The following ZNF589 variants were observed in gnomAD, a reference collection of about 807,000 sequenced individuals.
The protein encoded by ZNF589 is KRAB-zinc finger protein SZF1-1.
In ZNF589, 17 loss-of-function variants were observed where a neutral mutation model predicts 13.6. The observed-to-expected ratio is 1.25, with a 90% CI of 0.86 to 1.88. ZNF589 has a LOEUF of 1.88. Among genes scored for constraint, ZNF589 ranks in the 40% most tolerant of loss-of-function variants. The probability of loss-of-function intolerance (pLI) is 0.00; values close to 1 mark genes in which losing one functional copy is unlikely to be tolerated. For synonymous variants in ZNF589, 148 were observed against 161.6 expected, an observed-to-expected ratio of 0.92 and a Z score of 0.64; for missense variants, 407 against 434.0, an observed-to-expected ratio of 0.94 and a Z score of 0.55.
At chr3:48,267,631 G>A (rs1479388319) in intron 3 of ZNF589, among the ~76,000 whole-genome samples, 1 of 152,152 alleles carries the variant, frequency 6.6e-6, no homozygotes, top group Non-Finnish European at 1.5e-5. Context: ...TCTTGACCTC[G>A]TGATCTGCCC....
rs923683904 is a variant in ZNF589, at chr3:48,270,226, C to T, written c.*1440C>T. 21 of 457,192 alleles carry T rather than the reference C, an allele frequency of 4.6e-5. No homozygotes were observed. Among genetic ancestry groups the T allele is most frequent in the Non-Finnish European group, 8.8e-5 (20 of 227,104 alleles). The allele number at this position is 457,192 out of a possible 1,614,324, so 28.3% of individuals were successfully genotyped here. A position where few individuals can be genotyped will look rare whatever the true frequency, so the allele number is the denominator to read the frequency against. ...GTCTCCAGCCCTACAATCTGAGGGACACCTTTACCAGGTCCCCTTCCTAAC... is the reference window on the plus strand; with the variant it reads ...GTCTCCAGCCCTACAATCTGAGGGATACCTTTACCAGGTCCCCTTCCTAAC... On this transcript the variant is annotated 3_prime_UTR_variant, in exon 4 of 4. Transcript: ENST00000354698.
At chr3:48,257,667 TC>T (rs988607967) in intron 2 of ZNF589, among the ~76,000 whole-genome samples, 1 of 152,154 alleles carries the variant, frequency 6.6e-6, no homozygotes, top group Non-Finnish European at 1.5e-5. Flanking sequence ...ATAGATCTTC[TC>T]CTGTATTTTT....
intron 2 of ZNF589, among the ~76,000 whole-genome samples, chr3:48,254,222 C>T (rs1217541129): frequency 2.0e-5 from 3 of 152,150 alleles, no homozygotes; most frequent in Non-Finnish European, 4.4e-5. Context: ...TGCCATTGCA[C>T]TCCAGCCTGG....
At chr3:48,251,474 C>T (rs563507996) in intron 2 of ZNF589, among the ~76,000 whole-genome samples, 1 of 151,844 alleles carries the variant, frequency 6.6e-6, no homozygotes, top group Non-Finnish European at 1.5e-5. Flanking sequence ...GCAGGAGAAT[C>T]ACTTGAACCT....
At position 48,269,397 on chromosome 3, in the gene ZNF589, C is replaced by CT; in HGVS notation, c.*611_*612insT. On this transcript the variant is annotated 3_prime_UTR_variant, in exon 4 of 4. Coordinates refer to ENST00000354698, the MANE Select transcript of ZNF589 (RefSeq NM_016089.3). ...TGTGGGCGAGGCTTTTGTGATAAAT[C>CT]AACTCTCCTCGCACACGAGCAGACA... 1 of 547,742 alleles carries CT rather than the reference C, an allele frequency of 1.8e-6. No individual in the cohort carries two copies. Among genetic ancestry groups the CT allele is most frequent in the South Asian group, 1.9e-5 (1 of 51,682 alleles). The allele number at this position is 547,742 out of a possible 1,614,324, so 33.9% of individuals were successfully genotyped here. A position where few individuals can be genotyped will look rare whatever the true frequency, so the allele number is the denominator to read the frequency against.
intron 2 of ZNF589, among the ~76,000 whole-genome samples, chr3:48,254,237 C>T (rs529768956): frequency 2.6e-5 from 4 of 152,092 alleles, no homozygotes; most frequent in Non-Finnish European, 4.4e-5. Context: ...GCCTGGGCAA[C>T]GAGTGAAACT....
chr3:48,247,847 A>G (rs113078319), intron 2 of ZNF589, among the ~76,000 whole-genome samples, 170 bp downstream of exon 2: 10 of 152,262 alleles, frequency 6.6e-5, no homozygotes, highest in African/African-American at 1.4e-4. Context: ...TAGTCTTTCT[A>G]TTTTTTGAGC....
chr3:48,270,331 C>T lies in ZNF589; in HGVS notation c.*1545C>T. 7.1e-6 allele frequency: 3 copies of T among 420,472 alleles called. No individual in the cohort carries two copies. The highest frequency in any genetic ancestry group is 5.1e-5 in the South Asian group (3 of 58,616). The allele number at this position is 420,472 out of a possible 1,614,324, so 26.0% of individuals were successfully genotyped here. A position where few individuals can be genotyped will look rare whatever the true frequency, so the allele number is the denominator to read the frequency against. On this transcript the variant is annotated 3_prime_UTR_variant, in exon 4 of 4. Transcript: ENST00000354698. ...CAGGACTTAAACATAGCCACGCCACCTTGGCCTTCAATGACAGGGATCTAG... is the reference window on the plus strand; with the variant it reads ...CAGGACTTAAACATAGCCACGCCACTTTGGCCTTCAATGACAGGGATCTAG...
intron 3 of ZNF589, among the ~76,000 whole-genome samples, chr3:48,264,745 C>G (rs1249280537): frequency 6.6e-6 from 1 of 152,004 alleles, no homozygotes; most frequent in African/African-American, 2.4e-5. Flanking sequence ...AAAAGAATTG[C>G]TTGAACCTGG....
intron 2 of ZNF589, among the ~76,000 whole-genome samples, chr3:48,248,728 TATG>T (rs1194377706): frequency 6.6e-6 from 1 of 152,136 alleles, no homozygotes; most frequent in Non-Finnish European, 1.5e-5. Flanking sequence ...TGGTAATAAT[TATG>T]ATGAAGACAG....
At position 48,260,900 on chromosome 3, in the gene ZNF589, G is replaced by A; in HGVS notation, c.184G>A (p.Glu62Lys). 1 of 1,614,162 alleles carries A rather than the reference G, an allele frequency of 6.2e-7. No individual in the cohort carries two copies. The highest frequency in any genetic ancestry group is 8.5e-7 in the Non-Finnish European group (1 of 1,180,030). The part of the protein sequence containing the change: ...LSLEQRNLYK[E>K]VMLENLRNLV... ...CCTTGAGCAGAGGAACCTATACAAA[G>A]AAGTGATGCTGGAAAATCTCAGGAA... Residue 62 changes from glutamate to lysine, a missense_variant, in exon 3 of 4, where the codon GAA (glutamate) becomes AAA (lysine). Glu to Lys is a moderately conservative substitution (Grantham distance 56, BLOSUM62 1). Coordinates refer to ENST00000354698, the MANE Select transcript of ZNF589 (RefSeq NM_016089.3).
intron 3 of ZNF589, among the ~76,000 whole-genome samples, chr3:48,262,078 C>T (rs932265552): frequency 6.6e-6 from 1 of 152,236 alleles, no homozygotes; most frequent in South Asian, 2.1e-4. Flanking sequence ...CTTTCCCTTT[C>T]TCTCTACATC....
chr3:48,255,695 C>T (rs2033891747), intron 2 of ZNF589, among the ~76,000 whole-genome samples: 1 of 151,288 alleles, frequency 6.6e-6, no homozygotes, highest in African/African-American at 2.4e-5. Flanking sequence ...GGTTTTGCCA[C>T]GTTGGCTGGT....
At chr3:48,261,252 C>T (rs1276390031) in intron 3 of ZNF589, among the ~76,000 whole-genome samples, 1 of 152,044 alleles carries the variant, frequency 6.6e-6, no homozygotes, top group Non-Finnish European at 1.5e-5. Context: ...ACTGGCTGAA[C>T]TTTTAAATTG....
intron 3 of ZNF589, among the ~76,000 whole-genome samples, chr3:48,264,722 G>A (rs927926304): frequency 2.0e-5 from 3 of 151,884 alleles, no homozygotes; most frequent in African/African-American, 7.3e-5. Flanking sequence ...CCAGCTACTT[G>A]GGAGGCTGAG....
At chr3:48,252,176 C>T (rs1394300294) in intron 2 of ZNF589, among the ~76,000 whole-genome samples, 1 of 151,556 alleles carries the variant, frequency 6.6e-6, no homozygotes, top group African/African-American at 2.4e-5. Context: ...TAGTGTAAGT[C>T]CTTAAATTTT....
Position 48,270,659 on chromosome 3 carries a change from G to T in ZNF589, c.*1873G>T, listed in dbSNP as rs1314087574. The T allele has an allele frequency of 5.3e-6, 1 of 188,946 alleles. No individual in the cohort carries two copies. The highest frequency in any genetic ancestry group is 1.1e-5 in the Non-Finnish European group (1 of 89,592). 11.7% of individuals were successfully genotyped at this position (188,946 alleles called of 1,614,324 possible). A position where few individuals can be genotyped will look rare whatever the true frequency, so the allele number is the denominator to read the frequency against. ...GCCCCAGTGCCTCTATTTGCTAAGG[G>T]ACTCTGCCACAGAAAAGAAGGGGAG... is the stretch of plus-strand genomic sequence containing the variant. On this transcript the variant is annotated 3_prime_UTR_variant, in exon 4 of 4. Transcript: ENST00000354698.
chr3:48,251,246 T>C (rs1483015759), intron 2 of ZNF589, among the ~76,000 whole-genome samples: 1 of 152,072 alleles, frequency 6.6e-6, no homozygotes, highest in Non-Finnish European at 1.5e-5. Context: ...TACAAAGAAG[T>C]GATGCTGGAA....
chr3:48,257,725 G>GT (rs201177492), intron 2 of ZNF589, among the ~76,000 whole-genome samples: 6,914 of 151,404 alleles, frequency 0.046, 528 homozygotes, highest in African/African-American at 0.16. Context: ...GATTTTTTTT[G>GT]TTTTTTGTTT....
Sources: allele counts gnomAD v4.1 joint callset (sites outside exome capture counted in the v4.1 genomes callset), GRCh38; gene constraint gnomAD v4.1.1; transcripts MANE v1.5; gene names NCBI Gene and HGNC (gene_info 2026-07-23, HGNC 2026-07-21).